EYS: variants seen among roughly 807,000 people sequenced by gnomAD.
The protein encoded by EYS is protein eyes shut homolog.
A neutral mutation model predicts 282.1 loss-of-function variants in EYS; 250 were observed. The observed-to-expected ratio is 0.89, with a 90% CI of 0.80 to 0.98. EYS has a LOEUF of 0.98. Among genes scored for constraint, EYS ranks in the 50% least tolerant of loss-of-function variants. The probability of loss-of-function intolerance (pLI) is 0.00; values close to 1 mark genes in which losing one functional copy is unlikely to be tolerated. For synonymous variants in EYS, 1,355 were observed against 1,282.9 expected (o/e 1.06, Z -1.20); for missense variants, 4,016 against 3,709.0 (o/e 1.08, Z -2.15).
At chr6:64,026,150 G>A (rs1769496922) in intron 33 of EYS, among the ~76,000 whole-genome samples, 1 of 152,066 alleles carries the variant, frequency 6.6e-6, no homozygotes. Flanking sequence ...TCTGGGGCAG[G>A]GGTTGTTTCT....
At chr6:64,295,818 T>C (rs551001478) in intron 30 of EYS, among the ~76,000 whole-genome samples, 35 of 152,072 alleles carry the variant, frequency 2.3e-4, no homozygotes, top group Middle Eastern at 3.4e-3. Flanking sequence ...CTTTCAAGCA[T>C]ATTTCAGAAT....
intron 31 of EYS, among the ~76,000 whole-genome samples, chr6:64,136,409 T>A (rs1774162754): frequency 6.6e-6 from 1 of 152,146 alleles, no homozygotes; most frequent in Non-Finnish European, 1.5e-5. Context: ...TCATAAATAT[T>A]CTTAATGGCA....
chr6:63,829,325 A>G (rs560083609), intron 36 of EYS, among the ~76,000 whole-genome samples: 127 of 152,334 alleles, frequency 8.3e-4, no homozygotes, highest in African/African-American at 2.9e-3. Flanking sequence ...AAGGGAAGCC[A>G]TGACAGATGG....
chr6:64,265,899 A>G (rs1462117728), intron 30 of EYS, among the ~76,000 whole-genome samples: 2 of 152,068 alleles, frequency 1.3e-5, no homozygotes, highest in Non-Finnish European at 2.9e-5. Context: ...AATTATGACC[A>G]TATCTTTGCT....
intron 12 of EYS, among the ~76,000 whole-genome samples, chr6:65,238,110 G>T (rs1766971301): frequency 6.6e-6 from 1 of 151,676 alleles, no homozygotes; most frequent in South Asian, 2.1e-4. Context: ...GAACTTTAAA[G>T]TCTAACAATG....
intron 12 of EYS, among the ~76,000 whole-genome samples, chr6:65,254,600 T>A (rs1466941047): frequency 2.6e-5 from 4 of 151,904 alleles, no homozygotes; most frequent in African/African-American, 9.7e-5. Flanking sequence ...TGGTTACACA[T>A]CTTTTAAAAC....
intron 29 of EYS, among the ~76,000 whole-genome samples, chr6:64,336,994 C>A (rs912081539): frequency 6.6e-6 from 1 of 151,948 alleles, no homozygotes; most frequent in Non-Finnish European, 1.5e-5. Flanking sequence ...GAGGAAAGTT[C>A]ATAGCCCTAA....
intron 33 of EYS, among the ~76,000 whole-genome samples, chr6:64,052,012 C>G (rs1387882071): frequency 6.6e-6 from 1 of 152,078 alleles, no homozygotes; most frequent in East Asian, 1.9e-4. Flanking sequence ...CCTTTCTTCT[C>G]AGGCATGAAG....
At chr6:64,926,749 G>T (rs1438279522) in intron 15 of EYS, among the ~76,000 whole-genome samples, 1 of 152,118 alleles carries the variant, frequency 6.6e-6, no homozygotes, top group Non-Finnish European at 1.5e-5. Flanking sequence ...TTCTAAGTAG[G>T]TGAGGTATAC....
intron 5 of EYS, among the ~76,000 whole-genome samples, chr6:65,486,650 G>C (rs1743822190): frequency 6.6e-6 from 1 of 152,128 alleles, no homozygotes; most frequent in South Asian, 2.1e-4. Flanking sequence ...GGGCTTGTGG[G>C]AAGCATTTGA....
intron 22 of EYS, among the ~76,000 whole-genome samples, chr6:64,728,617 G>C (rs1483103405): frequency 2.0e-5 from 3 of 152,148 alleles, no homozygotes; most frequent in African/African-American, 7.2e-5. Flanking sequence ...TTATAGGTGT[G>C]AGCCACCGCG....
chr6:64,741,198 C>T (rs1426649913), intron 22 of EYS, among the ~76,000 whole-genome samples: 13 of 152,210 alleles, frequency 8.5e-5, no homozygotes, highest in Admixed American at 5.9e-4. Flanking sequence ...AGGGAAGTTA[C>T]GTTAGCAGGC....
At chr6:65,538,758 T>C (rs1315273298) in intron 2 of EYS, among the ~76,000 whole-genome samples, 1 of 152,184 alleles carries the variant, frequency 6.6e-6, no homozygotes, top group African/African-American at 2.4e-5. Context: ...TGACTCCTCC[T>C]AGTATTCAAA....
intron 29 of EYS, among the ~76,000 whole-genome samples, chr6:64,333,780 T>C (rs1487732613): frequency 6.6e-6 from 1 of 152,134 alleles, no homozygotes; most frequent in African/African-American, 2.4e-5. Flanking sequence ...TCCTGAAGTA[T>C]CAAAAATTCA....
chr6:64,138,013 G>C (rs1410203834), intron 31 of EYS, among the ~76,000 whole-genome samples: 2 of 152,156 alleles, frequency 1.3e-5, no homozygotes, highest in African/African-American at 4.8e-5. Flanking sequence ...TTAAGCAATC[G>C]AGAGAATAGT....
chr6:65,672,992 G>A (rs966031438), intron 1 of EYS, among the ~76,000 whole-genome samples: 1 of 151,984 alleles, frequency 6.6e-6, no homozygotes, highest in African/African-American at 2.4e-5. Context: ...GGGAGCTTCT[G>A]AGCCAGGAGA....
chr6:64,956,871 C>G (rs1288446098), intron 14 of EYS, among the ~76,000 whole-genome samples: 1 of 152,072 alleles, frequency 6.6e-6, no homozygotes, highest in Non-Finnish European at 1.5e-5. Context: ...AAATGCACAT[C>G]AAACAATGAG....
At chr6:64,757,744 TTGTGTGTGTGTGTG>T (rs66825340) in intron 22 of EYS, among the ~76,000 whole-genome samples, 9 of 139,906 alleles carry the variant, frequency 6.4e-5, no homozygotes, top group African/African-American at 1.0e-4. Flanking sequence ...CTTTTTTTCT[TTGTGTGTGTGTGTG>T]TGTGTGTGTG....
Position 64,609,905 on chromosome 6 carries a change from T to C in EYS, c.3684+7513A>G, listed in dbSNP as rs549599709. 2.0e-5 allele frequency among the ~76,000 whole-genome samples: 3 copies of C among 150,668 alleles called. No homozygotes were observed. In the South Asian group the frequency reaches 6.3e-4, roughly 31 times the overall value. ...TTGTCTAAATATATATATTTAGTTATATAATATATTAACTATATATAGACA... is the reference window on the plus strand; with the variant it reads ...TTGTCTAAATATATATATTTAGTTACATAATATATTAACTATATATAGACA... On this transcript the variant is annotated intron_variant, in intron 24 of 42. Transcript: ENST00000503581.
Sources: allele counts gnomAD v4.1 joint callset (sites outside exome capture counted in the v4.1 genomes callset), GRCh38; gene constraint gnomAD v4.1.1; transcripts MANE v1.5; gene names NCBI Gene and HGNC (gene_info 2026-07-23, HGNC 2026-07-21).